NRXN3: variants seen among roughly 807,000 people sequenced by gnomAD.
The protein encoded by NRXN3 is neurexin 3.
In NRXN3, 32 loss-of-function variants were observed where a neutral mutation model predicts 137.6. That is an observed-to-expected ratio of 0.23 (90% CI 0.18 to 0.31). NRXN3 has a LOEUF of 0.31. NRXN3 is among the 10% of genes least tolerant of loss of function. The pLI is 1.00. For missense variants in NRXN3, 1,574 were observed against 2,062.5 expected, an observed-to-expected ratio of 0.76 and a Z score of 4.59; for synonymous variants, 798 against 784.5, an observed-to-expected ratio of 1.02 and a Z score of -0.29.
intron 15 of NRXN3, among the ~76,000 whole-genome samples, chr14:79,294,922 C>G (rs908301329): frequency 1.3e-5 from 2 of 152,122 alleles, no homozygotes; most frequent in Admixed American, 6.6e-5. Flanking sequence ...ATCACCTAAA[C>G]AGTTGTGACA....
chr14:79,622,477 G>A (rs1348243407), intron 16 of NRXN3, among the ~76,000 whole-genome samples: 1 of 152,190 alleles, frequency 6.6e-6, no homozygotes, highest in East Asian at 1.9e-4. Context: ...GTACCTGTAT[G>A]ACAGGGTCAA....
intron 4 of NRXN3, among the ~76,000 whole-genome samples, chr14:78,589,419 G>C (rs1328866566): frequency 1.3e-5 from 2 of 152,140 alleles, no homozygotes; most frequent in African/African-American, 4.8e-5. Context: ...TTCTGGAAGG[G>C]CTAACCCGGT....
intron 4 of NRXN3, among the ~76,000 whole-genome samples, chr14:78,587,438 A>G (rs369742939): frequency 2.0e-5 from 3 of 152,196 alleles, no homozygotes; most frequent in Non-Finnish European, 4.4e-5. Flanking sequence ...TACCCCTCTG[A>G]AATCTAGTCT....
intron 8 of NRXN3, among the ~76,000 whole-genome samples, chr14:78,742,288 A>G (rs1009547518): frequency 6.6e-6 from 1 of 152,222 alleles, no homozygotes; most frequent in African/African-American, 2.4e-5. Context: ...CTCTGAAGAC[A>G]GTCATATGGC....
chr14:79,338,218 A>AGTGTGTGTGT (rs56816357), intron 15 of NRXN3, among the ~76,000 whole-genome samples: 3 of 141,148 alleles, frequency 2.1e-5, no homozygotes, highest in African/African-American at 5.3e-5. Context: ...TGTGTATGTG[A>AGTGTGTGTGT]GTGTGTGTGT....
chr14:79,032,590 T>C (rs1252061074), intron 15 of NRXN3, among the ~76,000 whole-genome samples: 2 of 152,192 alleles, frequency 1.3e-5, no homozygotes, highest in South Asian at 2.1e-4. Flanking sequence ...ATTTCTTAAA[T>C]ATATCCACTC....
chr14:78,448,991 C>T (rs2094488745), intron 4 of NRXN3, among the ~76,000 whole-genome samples: 1 of 152,166 alleles, frequency 6.6e-6, no homozygotes, highest in South Asian at 2.1e-4. Flanking sequence ...AGTGGAATCT[C>T]CCCACCCTGG....
At chr14:78,530,088 G>C (rs1303005539) in intron 4 of NRXN3, among the ~76,000 whole-genome samples, 1 of 152,146 alleles carries the variant, frequency 6.6e-6, no homozygotes, top group African/African-American at 2.4e-5. Context: ...ACATTTCATA[G>C]CAAAATCATG....
chr14:78,789,682 C>T (rs1174199117), intron 8 of NRXN3, among the ~76,000 whole-genome samples: 1 of 152,184 alleles, frequency 6.6e-6, no homozygotes, highest in African/African-American at 2.4e-5. Context: ...AACTATCATT[C>T]ACCAGATTCT....
At position 79,022,318 on chromosome 14, in the gene NRXN3, G is replaced by A. The variant is rs572099983; in HGVS notation, c.3262+34177G>A. Among the ~76,000 whole-genome samples the A allele has an allele frequency of 4.7e-4, 71 of 152,150 alleles. 1 individual carries two copies. Among genetic ancestry groups the A allele is most frequent in the Non-Finnish European group, 8.5e-4 (58 of 68,020 alleles). On this transcript the variant is annotated intron_variant, in intron 15 of 20. Coordinates refer to ENST00000335750, the MANE Select transcript of NRXN3 (RefSeq NM_001330195.2). ...TAGTACAATGTACCATGTGCAAATA[G>A]GAATTTAATAAATGCTTCCCAATTC...
At chr14:78,862,551 T>A (rs529311334) in intron 10 of NRXN3, among the ~76,000 whole-genome samples, 1 of 152,226 alleles carries the variant, frequency 6.6e-6, no homozygotes, top group African/African-American at 2.4e-5. Context: ...TGGTCTGTTT[T>A]ATTAAATCTC....
intron 1 of NRXN3, among the ~76,000 whole-genome samples, chr14:78,173,750 T>C (rs1202885838): frequency 1.6e-5 from 2 of 128,938 alleles, no homozygotes; most frequent in African/African-American, 6.0e-5. Flanking sequence ...TGCGATGGCC[T>C]TTCCTACATG....
chr14:78,969,845 GTGTGTGTGTGTA>G (rs1316063374), intron 14 of NRXN3, among the ~76,000 whole-genome samples: 2 of 143,824 alleles, frequency 1.4e-5, no homozygotes, highest in African/African-American at 4.9e-5. Context: ...GTGTGTGTGT[GTGTGTGTGTGTA>G]TAAAGGGACA....
chr14:78,773,062 C>G (rs757044895), intron 8 of NRXN3, among the ~76,000 whole-genome samples: 2 of 152,090 alleles, frequency 1.3e-5, no homozygotes, highest in African/African-American at 2.4e-5. Flanking sequence ...GTAGACGAGG[C>G]CTGTGAAATA....
chr14:79,349,535 GA>G (rs546259838), intron 15 of NRXN3, among the ~76,000 whole-genome samples: 3,425 of 129,442 alleles, frequency 0.026, 132 homozygotes, highest in African/African-American at 0.096. Context: ...TCCTCCCCGG[GA>G]AAAAAAAATA....
chr14:79,548,809 A>G (rs2097346917), intron 16 of NRXN3, among the ~76,000 whole-genome samples: 1 of 152,138 alleles, frequency 6.6e-6, no homozygotes, highest in Admixed American at 6.6e-5. Flanking sequence ...TCTGCTGCCC[A>G]AGCAAAGAAA....
intron 4 of NRXN3, among the ~76,000 whole-genome samples, chr14:78,594,831 G>T (rs2152416988): frequency 6.6e-6 from 1 of 152,280 alleles, no homozygotes; most frequent in East Asian, 1.9e-4. Context: ...ATCACAGTTG[G>T]TTCCCCATGA....
chr14:79,144,629 C>G (rs1393528243), intron 15 of NRXN3, among the ~76,000 whole-genome samples: 1 of 152,168 alleles, frequency 6.6e-6, no homozygotes, highest in Non-Finnish European at 1.5e-5. Context: ...TGTCAATGTA[C>G]AAAGTCAGTA....
chr14:79,722,243 G>A (rs1384671580), intron 19 of NRXN3, among the ~76,000 whole-genome samples: 4 of 151,944 alleles, frequency 2.6e-5, no homozygotes. Flanking sequence ...ATGGTTTCCT[G>A]GATTCCAATT....
Sources: allele counts gnomAD v4.1 joint callset (sites outside exome capture counted in the v4.1 genomes callset), GRCh38; gene constraint gnomAD v4.1.1; transcripts MANE v1.5; gene names NCBI Gene and HGNC (gene_info 2026-07-23, HGNC 2026-07-21).